RASGRF2: variants seen among roughly 807,000 people sequenced by gnomAD.
RASGRF2 encodes Ras protein specific guanine nucleotide releasing factor 2, also known as ras-specific guanine nucleotide-releasing factor 2.
RASGRF2 carries 76 observed loss-of-function variants against 151.0 expected under a neutral mutation model. The ratio of observed to expected loss-of-function variants is 0.50; its 90% CI spans 0.42 to 0.61. The LOEUF (loss-of-function observed/expected upper bound fraction) is 0.61, where lower values mean the gene tolerates loss of function less well. RASGRF2 is among the 20% of genes least tolerant of loss of function. RASGRF2 has a pLI of 0.00. For missense variants in RASGRF2, 1,148 were observed against 1,564.6 expected, an observed-to-expected ratio of 0.73 and a Z score of 4.49; for synonymous variants, 504 against 566.5, an observed-to-expected ratio of 0.89 and a Z score of 1.57.
chr5:81,217,536 A>G (rs1755765424), intron 25 of RASGRF2, 63 bp downstream of exon 25: 1 of 1,143,978 alleles, frequency 8.7e-7, no homozygotes, highest in Non-Finnish European at 1.2e-6. Flanking sequence ...GAAGAGGCTA[A>G]GTAATAAAAG....
chr5:81,156,415 C>G (rs1754261608), intron 17 of RASGRF2, among the ~76,000 whole-genome samples: 1 of 152,160 alleles, frequency 6.6e-6, no homozygotes, highest in Non-Finnish European at 1.5e-5. Context: ...AAATTACAAA[C>G]TAATATCCCT....
In RASGRF2 at chr5:81,226,947, CT is replaced by C. The variant is rs1350516056; in HGVS notation, c.*1178del. On this transcript the variant is annotated 3_prime_UTR_variant, in exon 27 of 27. Transcript: ENST00000265080. The stretch of plus-strand genomic sequence containing the variant: ...AAACCAAATGCAAGGGTTAGTCCTG[CT>C]ACCTGAGGCTGGGGAAGTGACCTTC... 6.6e-6 allele frequency: 1 copy of C among 152,192 alleles called. No individual in the cohort carries two copies. Among genetic ancestry groups the C allele is most frequent in the Non-Finnish European group, 1.5e-5 (1 of 68,026 alleles). The allele number at this position is 152,192 out of a possible 1,614,324, so 9.4% of individuals were successfully genotyped here. A position where few individuals can be genotyped will look rare whatever the true frequency, so the allele number is the denominator to read the frequency against.
At position 81,004,335 on chromosome 5, in the gene RASGRF2, T is replaced by G. The variant is rs77733517; in HGVS notation, c.289-38542T>G. ...TATAGGTCTCCTCCTTTATCTGAAA[T>G]GTAATAGGATGTGGCACGTTATTTG... On this transcript the variant is annotated intron_variant, in intron 1 of 26. Transcript: ENST00000265080. 4.6e-3 allele frequency among the ~76,000 whole-genome samples: 701 copies of G among 152,378 alleles called. 11 individuals are homozygous for G. Among genetic ancestry groups the G allele is most frequent in the African/African-American group, 0.016 (665 of 41,592 alleles).
At chr5:81,154,758 T>A (rs944828175) in intron 17 of RASGRF2, among the ~76,000 whole-genome samples, 10 of 152,224 alleles carry the variant, frequency 6.6e-5, no homozygotes, top group African/African-American at 2.2e-4. Context: ...TAGATATTTC[T>A]TTGACATACT....
chr5:81,050,764 C>T (rs375761734), intron 2 of RASGRF2, among the ~76,000 whole-genome samples: 3 of 152,152 alleles, frequency 2.0e-5, no homozygotes, highest in African/African-American at 4.8e-5. Context: ...TTATTTCGCT[C>T]GAAGCACCTA....
intron 1 of RASGRF2, among the ~76,000 whole-genome samples, chr5:81,016,915 A>G (rs1277830244): frequency 6.6e-6 from 1 of 152,222 alleles, no homozygotes; most frequent in Non-Finnish European, 1.5e-5. Context: ...TGTTTTCAAT[A>G]TGACTATTAA....
At chr5:81,149,641 A>T (rs1028211763) in intron 17 of RASGRF2, among the ~76,000 whole-genome samples, 2 of 152,100 alleles carry the variant, frequency 1.3e-5, no homozygotes, top group African/African-American at 4.8e-5. Flanking sequence ...AATTAAAAAA[A>T]AAAAATCCAC....
intron 17 of RASGRF2, among the ~76,000 whole-genome samples, chr5:81,145,334 TA>T: frequency 4.6e-5 from 1 of 21,550 alleles, no homozygotes; most frequent in East Asian, 5.0e-3. Context: ...GGAACCTTGT[TA>T]TTTGGGTTTC....
chr5:81,035,611 T>C (rs1358881502), intron 1 of RASGRF2, among the ~76,000 whole-genome samples: 1 of 149,566 alleles, frequency 6.7e-6, no homozygotes, highest in African/African-American at 2.5e-5. Context: ...TAAAGTATAA[T>C]TAAAACAAAA....
At chr5:81,019,846 C>T (rs1469371257) in intron 1 of RASGRF2, among the ~76,000 whole-genome samples, 4 of 152,078 alleles carry the variant, frequency 2.6e-5, no homozygotes, top group Admixed American at 6.6e-5. Context: ...AAGTGATACA[C>T]GTTTGTTATA....
chr5:81,057,824 G>A (rs545320006), intron 2 of RASGRF2, among the ~76,000 whole-genome samples: 2 of 151,804 alleles, frequency 1.3e-5, no homozygotes, highest in Non-Finnish European at 2.9e-5. Flanking sequence ...GTGAGACCTC[G>A]TCTCCACAAA....
chr5:81,197,112 G>A (rs1031338181), intron 18 of RASGRF2, among the ~76,000 whole-genome samples: 5 of 152,156 alleles, frequency 3.3e-5, no homozygotes, highest in Non-Finnish European at 7.4e-5. Flanking sequence ...TTGCTCCTGG[G>A]CCCCAGTGGC....
At chr5:81,067,393 C>T (rs1055756403) in intron 2 of RASGRF2, among the ~76,000 whole-genome samples, 1 of 152,064 alleles carries the variant, frequency 6.6e-6, no homozygotes, top group African/African-American at 2.4e-5. Flanking sequence ...CATACTTGAC[C>T]AAAGACATAG....
intron 1 of RASGRF2, among the ~76,000 whole-genome samples, chr5:80,964,794 T>C (rs1195471995): frequency 2.6e-5 from 4 of 152,194 alleles, no homozygotes; most frequent in Non-Finnish European, 1.5e-5. Context: ...CAAGCAGTTT[T>C]ACATGACATT....
chr5:81,094,613 A>T (rs73766187), intron 11 of RASGRF2, among the ~76,000 whole-genome samples: 7,048 of 151,902 alleles, frequency 0.046, 378 homozygotes, highest in African/African-American at 0.13. Flanking sequence ...AATTTTTTTT[A>T]AAAAAAACTA....
intron 12 of RASGRF2, chr5:81,096,598 C>T (rs942425933): frequency 1.3e-5 from 2 of 152,116 alleles, no homozygotes; most frequent in Non-Finnish European, 2.9e-5. Context: ...TACCTTCTAC[C>T]TTATGATATA....
chr5:81,068,390 CT>C lies in RASGRF2; in HGVS notation c.543+227del, dbSNP rs57789740. ...TACAGGAACATATCAGGATAATGTG[CT>C]TTTTTTTTTTTTTTTGGTGGGGGGT... On this transcript the variant is annotated intron_variant, in intron 3 of 26. Transcript: ENST00000265080. 7.9e-3 allele frequency among the ~76,000 whole-genome samples: 1,123 copies of C among 142,576 alleles called. 14 individuals are homozygous for C. The highest frequency in any genetic ancestry group is 0.024 in the African/African-American group (905 of 38,352). The allele number at this position is 142,576 out of a possible 152,430, so 93.5% of individuals were successfully genotyped here.
rs1329150078 is a variant in RASGRF2 at position 81,123,742 on chromosome 5, G to C, written c.2571G>C (p.Arg857=). The change falls in exon 16 of 27, where the codon CGG becomes CGC. Residue 857 remains arginine (R), a synonymous_variant. Transcript: ENST00000265080. The part of the protein sequence containing the change: ...LSPCRSPSTP[R]HLRYRQPGGQ... ...CTTGCAGATCCCCCTCAACTCCTCG[G>C]CACCTCCGCTATCGACAGCCTGGAG... is the stretch of plus-strand genomic sequence containing the variant. The C allele has an allele frequency of 6.2e-7, 1 of 1,613,640 alleles. No individual in the cohort carries two copies. The highest frequency in any genetic ancestry group is 1.3e-5 in the African/African-American group (1 of 74,888).
intron 16 of RASGRF2, 130 bp from the exon 17 acceptor site, chr5:81,126,944 C>A (rs999294598): frequency 7.6e-6 from 7 of 920,760 alleles, no homozygotes; most frequent in Non-Finnish European, 1.1e-5. Flanking sequence ...GTTGTTTGCC[C>A]ATTAACAGAG....
Sources: allele counts gnomAD v4.1 joint callset (sites outside exome capture counted in the v4.1 genomes callset), GRCh38; gene constraint gnomAD v4.1.1; transcripts MANE v1.5; gene names NCBI Gene and HGNC (gene_info 2026-07-23, HGNC 2026-07-21).